The following ZNF726 variants were observed in gnomAD, a reference collection of about 807,000 sequenced individuals.
ZNF726 encodes the protein zinc finger protein 726, also known as zinc finger protein 92 pseudogene 3.
ZNF726 carries 15 observed loss-of-function variants against 11.6 expected under a neutral mutation model. The observed-to-expected ratio is 1.29, with a 90% CI of 0.86 to 1.99. The LOEUF is 1.99. Among genes scored for constraint, ZNF726 ranks in the 30% most tolerant of loss-of-function variants. The pLI, the probability that ZNF726 is intolerant of heterozygous loss-of-function variation, is 0.00. For synonymous variants in ZNF726, 295 were observed against 243.6 expected (o/e 1.21, Z -1.96); for missense variants, 890 against 725.6 (o/e 1.23, Z -2.60).
chr19:23,919,550 T>A, intron 2 of ZNF726, 51 bp downstream of exon 2: 1 of 1,520,422 alleles, frequency 6.6e-7, no homozygotes, highest in East Asian at 2.4e-5. Flanking sequence ...AGCTTTTATT[T>A]TTCTTTTGTA....
rs1299744664 is a variant in ZNF726, at chr19:23,934,301, T to A, written c.*334T>A. 1 of 618,092 alleles carries A rather than the reference T, an allele frequency of 1.6e-6. No individual in the cohort carries two copies. The highest frequency in any genetic ancestry group is 3.1e-6 in the Non-Finnish European group (1 of 317,874). 38.3% of individuals were successfully genotyped at this position (618,092 alleles called of 1,614,324 possible). ...GAGGATGCACACTGGAGAGAAACCTTACAAATGTGAGGAATGTGGCAAAGC... is the reference window on the plus strand; with the variant it reads ...GAGGATGCACACTGGAGAGAAACCTAACAAATGTGAGGAATGTGGCAAAGC... On this transcript the variant is annotated 3_prime_UTR_variant, in exon 4 of 4. Coordinates refer to ENST00000594466, the MANE Select transcript of ZNF726 (RefSeq NM_001244038.2).
chr19:23,926,885 CTG>C (rs894434103), intron 3 of ZNF726, among the ~76,000 whole-genome samples: 17 of 152,088 alleles, frequency 1.1e-4, no homozygotes, highest in Non-Finnish European at 1.6e-4. Context: ...TATAATGTCT[CTG>C]TTGTTTTTCA....
chr19:23,935,175 A>T, downstream of ZNF726: 1 of 404,886 alleles, frequency 2.5e-6, no homozygotes, highest in Non-Finnish European at 5.0e-6. Context: ...TTGTGGGGAG[A>T]GACCCAGTGG....
At chr19:23,917,111 C>A (rs1369597229) in intron 1 of ZNF726, among the ~76,000 whole-genome samples, 2 of 152,124 alleles carry the variant, frequency 1.3e-5, no homozygotes, top group African/African-American at 4.8e-5. Flanking sequence ...CCACCACACC[C>A]ACCTAGTTTT....
chr19:23,916,139 A>G (rs867988601), intron 1 of ZNF726, among the ~76,000 whole-genome samples: 1 of 152,058 alleles, frequency 6.6e-6, no homozygotes, highest in African/African-American at 2.4e-5. Flanking sequence ...AATTTTTCAC[A>G]AGTGTCCCAA....
At chr19:23,939,738 G>T (rs1452614390) in intron 3 of ZNF726, among the ~76,000 whole-genome samples, 1 of 151,982 alleles carries the variant, frequency 6.6e-6, no homozygotes, top group African/African-American at 2.4e-5. Flanking sequence ...AGGTGGTATG[G>T]CATTGTGGTT....
rs777115974 is a variant in ZNF726, at chr19:23,932,364, A to T, written c.248A>T (p.Gln83Leu). Residue 83 changes from glutamine (Q) to leucine (L), a missense_variant, in exon 4 of 4, where the codon CAA becomes CTA. Transcript: ENST00000594466. The stretch of plus-strand genomic sequence containing the variant: ...TTAGGTATATGTCCTCATTTTGCTC[A>T]AGACATTTGGCCAGAGCAGGGCGTG... ...EPPGICPHFA[Q>L]DIWPEQGVED... 2 of 1,436,028 alleles carry T rather than the reference A, an allele frequency of 1.4e-6. No individual in the cohort carries two copies. The highest frequency in any genetic ancestry group is 1.8e-6 in the Non-Finnish European group (2 of 1,094,886). 89.0% of individuals were successfully genotyped at this position (1,436,028 alleles called of 1,614,324 possible). A position where few individuals can be genotyped will look rare whatever the true frequency, so the allele number is the denominator to read the frequency against.
intron 3 of ZNF726, chr19:23,943,433 G>A: frequency 2.1e-6 from 1 of 483,056 alleles, no homozygotes; most frequent in South Asian, 4.2e-5. Context: ...TACTGAACAT[G>A]GTACTAGGTT....
chr19:23,920,004 C>A lies in ZNF726; in HGVS notation c.148C>A (p.Pro50Thr). The A allele has an allele frequency of 6.3e-7, 1 of 1,583,660 alleles. No homozygotes were observed. The highest frequency in any genetic ancestry group is 8.6e-7 in the Non-Finnish European group (1 of 1,162,458). The change falls in exon 3 of 4, where the codon CCA becomes ACA. Residue 50 changes from proline to threonine, a missense_variant. Pro to Thr is a conservative substitution (Grantham distance 38, BLOSUM62 -1). Coordinates refer to ENST00000594466, the MANE Select transcript of ZNF726 (RefSeq NM_001244038.2). ...LAFLGIAVSK[P>T]DLIICLEKEK... ...TAAAACAGGTATTGCTGTCTCTAAG[C>A]CAGACCTCATCATCTGTCTGGAGAA...
At chr19:23,939,847 C>T (rs1968307956) in intron 3 of ZNF726, among the ~76,000 whole-genome samples, 1 of 122,760 alleles carries the variant, frequency 8.1e-6, no homozygotes, top group Admixed American at 7.8e-5. Context: ...TGTCTTTGGC[C>T]CACTTTTTGA....
chr19:23,938,533 G>C (rs905072926), downstream of ZNF726, among the ~76,000 whole-genome samples: 2 of 148,456 alleles, frequency 1.3e-5, no homozygotes, highest in Non-Finnish European at 3.0e-5. Context: ...CAAATTCTCT[G>C]TTTTAACTTG....
intron 1 of ZNF726, among the ~76,000 whole-genome samples, chr19:23,916,480 G>A (rs1333872439): frequency 6.6e-6 from 1 of 152,076 alleles, no homozygotes; most frequent in African/African-American, 2.4e-5. Flanking sequence ...ACAGATGCCT[G>A]GCACCACGCC....
Position 23,933,223 on chromosome 19 carries a change from C to T in ZNF726, c.1107C>T (p.Tyr369=), listed in dbSNP as rs1224821509. The T allele has an allele frequency of 1.2e-6, 2 of 1,613,132 alleles. No homozygotes were observed. Among genetic ancestry groups the T allele is most frequent in the Non-Finnish European group, 8.5e-7 (1 of 1,179,992 alleles). The part of the protein sequence containing the change: ...HRIIHTGEKP[Y]KCEECGKAFI... Reference sequence around the variant, plus strand: ...TAATTCATACTGGAGAGAAACCCTACAAATGTGAAGAATGTGGCAAAGCAT... The same window carrying T: ...TAATTCATACTGGAGAGAAACCCTATAAATGTGAAGAATGTGGCAAAGCAT... Residue 369 remains tyrosine, a synonymous_variant, in exon 4 of 4, where the codon TAC becomes TAT. Transcript: ENST00000594466.
chr19:23,933,287 C>A lies in ZNF726; in HGVS notation c.1171C>A (p.His391Asn). The A allele has an allele frequency of 1.2e-6, 2 of 1,613,030 alleles. No individual in the cohort carries two copies. Among genetic ancestry groups the A allele is most frequent in the Non-Finnish European group, 1.7e-6 (2 of 1,179,944 alleles). Residue 391 changes from histidine to asparagine, a missense_variant, in exon 4 of 4, where the codon CAC becomes AAC. His to Asn is a moderately conservative substitution (Grantham distance 68). Transcript: ENST00000594466. ...PSTLTKHKRI[H>N]TGEKPYKCEE... The stretch of plus-strand genomic sequence containing the variant: ...AACCCTAACTAAACATAAGAGGATT[C>A]ACACTGGAGAGAAACCCTACAAATG...
In ZNF726 at chr19:23,943,521, T is replaced by C. The variant is rs1373913785; in HGVS notation, c.254T>C (p.Ile85Thr). 9.0e-6 allele frequency: 6 copies of C among 668,430 alleles called. No individual in the cohort carries two copies. The African/African-American group carries it at 1.1e-4, about 12-fold the overall frequency. 41.4% of individuals were successfully genotyped at this position (668,430 alleles called of 1,614,324 possible). A position where few individuals can be genotyped will look rare whatever the true frequency, so the allele number is the denominator to read the frequency against. Residue 85 changes from isoleucine to threonine, a missense_variant, in exon 4 of 5, where the codon ATC becomes ACC. By Grantham distance (89) the Ile-to-Thr change is moderately conservative (BLOSUM62 -1). Transcript: ENST00000334589. Reference sequence around the variant, plus strand: ...CTTGCTGTCTCTAACCCTGATCTGATCTCCTGCCTTGAGCAAATAAAAGAG... The same window carrying C: ...CTTGCTGTCTCTAACCCTGATCTGACCTCCTGCCTTGAGCAAATAAAAGAG...
chr19:23,919,637 T>A, intron 2 of ZNF726, 138 bp downstream of exon 2: 1 of 1,171,006 alleles, frequency 8.5e-7, no homozygotes, highest in Non-Finnish European at 1.1e-6. Flanking sequence ...TTAGAAAAAA[T>A]TTCTTCAAGA....
Position 23,933,844 on chromosome 19 carries a change from A to G in ZNF726, c.1728A>G (p.Arg576=), listed in dbSNP as rs1242839381. 6.3e-7 allele frequency: 1 copy of G among 1,595,996 alleles called. No homozygotes were observed. The highest frequency in any genetic ancestry group is 8.5e-7 in the Non-Finnish European group (1 of 1,171,800). Residue 576 remains arginine (R), a synonymous_variant, in exon 4 of 4, where the codon CGA becomes CGG. Transcript: ENST00000594466. ...KCEECGKAFN[R]SSNLSTHKII... The stretch of plus-strand genomic sequence containing the variant: ...AAGAATGTGGAAAAGCGTTTAATCG[A>G]TCCTCAAATCTTAGTACGCATAAGA...
intron 3 of ZNF726, chr19:23,921,112 A>G (rs1020746892): frequency 6.6e-6 from 1 of 152,200 alleles, no homozygotes; most frequent in African/African-American, 2.4e-5. Flanking sequence ...CCTGGCCAAC[A>G]TGGTGAAACC....
chr19:23,940,850 C>T (rs1968327290), intron 3 of ZNF726, among the ~76,000 whole-genome samples: 1 of 152,102 alleles, frequency 6.6e-6, no homozygotes, highest in South Asian at 2.1e-4. Flanking sequence ...TATCCAGAAA[C>T]TGCTGAATTC....
Sources: allele counts gnomAD v4.1 joint callset (sites outside exome capture counted in the v4.1 genomes callset), GRCh38; gene constraint gnomAD v4.1.1; transcripts MANE v1.5; gene names NCBI Gene and HGNC (gene_info 2026-07-23, HGNC 2026-07-21).